Variants in ATP8A2 observed in about 807,000 individuals in gnomAD.
ATP8A2 encodes the protein ATPase phospholipid transporting 8A2, also known as phospholipid-transporting ATPase IB.
In ATP8A2, 100 loss-of-function variants were observed where a neutral mutation model predicts 165.6. That is an observed-to-expected ratio of 0.60 (90% CI 0.51 to 0.71). The LOEUF (loss-of-function observed/expected upper bound fraction) is 0.71. Ranked by LOEUF, ATP8A2 falls within the 30% of genes least tolerant of loss-of-function variation. The pLI is 0.00. For synonymous variants in ATP8A2, 543 were observed against 548.8 expected (o/e 0.99, Z 0.15); for missense variants, 1,227 against 1,479.5 (o/e 0.83, Z 2.80).
intron 1 of ATP8A2, among the ~76,000 whole-genome samples, chr13:25,450,801 G>A (rs2035204576): frequency 6.6e-6 from 1 of 151,974 alleles, no homozygotes; most frequent in African/African-American, 2.4e-5. Flanking sequence ...AAAGTGCTAG[G>A]ATTACAGGCT....
chr13:25,721,674 C>G (rs1420476529), intron 25 of ATP8A2, among the ~76,000 whole-genome samples: 1 of 152,214 alleles, frequency 6.6e-6, no homozygotes, highest in Non-Finnish European at 1.5e-5. Context: ...CTTCCCATTT[C>G]TTGTAAATGG....
intron 31 of ATP8A2, 90 bp from the exon 32 acceptor site, chr13:25,860,714 G>A (rs896832326): frequency 2.5e-5 from 26 of 1,029,946 alleles, no homozygotes; most frequent in South Asian, 5.5e-5. Context: ...GGGGAAGCTA[G>A]TTCTGGAGTG....
At chr13:25,832,725 C>A (rs575606135) in intron 28 of ATP8A2, among the ~76,000 whole-genome samples, 18 of 152,106 alleles carry the variant, frequency 1.2e-4, no homozygotes, top group Non-Finnish European at 2.5e-4. Flanking sequence ...TTTACAAAAA[C>A]CAGTAGCATG....
In ATP8A2 at chr13:26,025,756, T is replaced by G. The variant is rs1015226635; in HGVS notation, c.*5771T>G. 2 of 152,176 alleles carry G rather than the reference T, an allele frequency of 1.3e-5. No homozygotes were observed. The highest frequency in any genetic ancestry group is 2.9e-5 in the Non-Finnish European group (2 of 68,040). The allele number at this position is 152,176 out of a possible 1,614,324, so 9.4% of individuals were successfully genotyped here. A position where few individuals can be genotyped will look rare whatever the true frequency, so the allele number is the denominator to read the frequency against. ...GGGCATCTACTTGTATTTTTAGAAG[T>G]TTTGGGAGAATTTAGTGATTTGTGG... is the stretch of plus-strand genomic sequence containing the variant. On this transcript the variant is annotated 3_prime_UTR_variant, in exon 37 of 37. Coordinates refer to ENST00000381655, the MANE Select transcript of ATP8A2 (RefSeq NM_016529.6).
intron 30 of ATP8A2, among the ~76,000 whole-genome samples, chr13:25,853,169 A>G (rs1436895987): frequency 2.0e-5 from 3 of 151,772 alleles, no homozygotes; most frequent in Admixed American, 1.3e-4. Flanking sequence ...CAGGTGGATC[A>G]CTTGAGGTCA....
At chr13:25,694,509 T>A (rs2042794915) in intron 24 of ATP8A2, among the ~76,000 whole-genome samples, 1 of 152,158 alleles carries the variant, frequency 6.6e-6, no homozygotes, top group Admixed American at 6.5e-5. Context: ...CTTACCTGAA[T>A]TTCCTGGTGA....
intron 23 of ATP8A2, 136 bp from the exon 24 acceptor site, chr13:25,589,499 T>C (rs773691165): frequency 7.0e-5 from 42 of 596,140 alleles, no homozygotes; most frequent in Non-Finnish European, 1.1e-4. Context: ...AACTTACTTT[T>C]CCTACTCCTC....
intron 2 of ATP8A2, among the ~76,000 whole-genome samples, chr13:25,529,004 G>A (rs749601783): frequency 3.3e-5 from 5 of 151,994 alleles, no homozygotes; most frequent in Non-Finnish European, 7.4e-5. Context: ...AGGCCCCAGT[G>A]TGTGATGTTC....
At chr13:25,505,646 C>G (rs1225870074) in intron 2 of ATP8A2, among the ~76,000 whole-genome samples, 1 of 152,142 alleles carries the variant, frequency 6.6e-6, no homozygotes, top group African/African-American at 2.4e-5. Context: ...GTACACATCC[C>G]TGTTTCGCTC....
Position 25,981,759 on chromosome 13 carries a change from A to G in ATP8A2, c.3377+13080A>G, listed in dbSNP as rs1018249597. On this transcript the variant is annotated intron_variant, in intron 35 of 36. Transcript: ENST00000381655. ...AAGCTTGTGTTAACTTTACATTTCA[A>G]TTTAGTCACAAAATACAGATGGATA... 9.2e-5 allele frequency among the ~76,000 whole-genome samples: 14 copies of G among 152,334 alleles called. No homozygotes were observed. The East Asian group carries it at 1.9e-3, about 21-fold the overall frequency.
chr13:25,424,502 A>T (rs775301204), intron 1 of ATP8A2, among the ~76,000 whole-genome samples: 71 of 152,332 alleles, frequency 4.7e-4, no homozygotes, highest in Non-Finnish European at 9.6e-4. Context: ...TCTGAGCAGG[A>T]TGTCTCAGTC....
intron 25 of ATP8A2, among the ~76,000 whole-genome samples, chr13:25,700,174 C>G (rs2137917465): frequency 6.6e-6 from 1 of 152,246 alleles, no homozygotes; most frequent in Non-Finnish European, 1.5e-5. Flanking sequence ...TGTGGGGGAC[C>G]TGGTGCAGGG....
At chr13:25,692,105 A>C (rs1278496276) in intron 24 of ATP8A2, among the ~76,000 whole-genome samples, 1 of 152,210 alleles carries the variant, frequency 6.6e-6, no homozygotes, top group South Asian at 2.1e-4. Flanking sequence ...ATGGTGAGAA[A>C]AGACACAGCT....
chr13:25,553,255 AG>A (rs2038879187), intron 11 of ATP8A2, among the ~76,000 whole-genome samples: 1 of 144,792 alleles, frequency 6.9e-6, no homozygotes, highest in South Asian at 2.2e-4. Flanking sequence ...TCCATCCCCT[AG>A]GGTCCTGTTC....
intron 24 of ATP8A2, among the ~76,000 whole-genome samples, chr13:25,691,316 C>T (rs568429421): frequency 4.2e-4 from 64 of 152,266 alleles, no homozygotes; most frequent in African/African-American, 1.1e-3. Flanking sequence ...CTGAATCCTA[C>T]GCTTAAAATG....
intron 33 of ATP8A2, among the ~76,000 whole-genome samples, chr13:25,947,919 AAG>A (rs1419635571): frequency 6.6e-6 from 1 of 152,162 alleles, no homozygotes. Flanking sequence ...AAGAGCAGAT[AAG>A]AGAACATCAT....
At chr13:25,532,419 G>A (rs570303441) in intron 5 of ATP8A2, 102 bp downstream of exon 5, 14 of 729,198 alleles carry the variant, frequency 1.9e-5, no homozygotes, top group African/African-American at 1.8e-4. Flanking sequence ...GAGATAAATT[G>A]GGAAGATGAT....
intron 1 of ATP8A2, among the ~76,000 whole-genome samples, chr13:25,388,559 C>A (rs1355316067): frequency 6.6e-6 from 1 of 152,122 alleles, no homozygotes; most frequent in Non-Finnish European, 1.5e-5. Context: ...TAGAATGGAG[C>A]AGAACAGGAC....
chr13:25,916,265 G>A (rs918787005), intron 33 of ATP8A2, among the ~76,000 whole-genome samples: 1 of 152,136 alleles, frequency 6.6e-6, no homozygotes, highest in African/African-American at 2.4e-5. Flanking sequence ...GGCCCTCTGC[G>A]CCACTCAGCA....
Sources: gnomAD v4.1 joint callset for allele counts (sites outside exome capture counted in the v4.1 genomes callset) on GRCh38, gnomAD v4.1.1 for gene constraint, MANE v1.5 for transcripts, NCBI Gene and HGNC (gene_info 2026-07-23, HGNC 2026-07-21) for gene names.